Variants in KCND3 observed in about 807,000 individuals in gnomAD.
KCND3 encodes the protein A-type voltage-gated potassium channel KCND3.
Under a neutral mutation model 51.1 loss-of-function variants are expected in KCND3, and 9 were observed. The observed-to-expected ratio is 0.18, with a 90% CI of 0.11 to 0.31. The LOEUF is 0.31. Ranked by LOEUF, KCND3 falls within the 10% of genes least tolerant of loss-of-function variation. KCND3 has a pLI of 1.00. For synonymous variants in KCND3, 349 were observed against 368.0 expected (o/e 0.95, Z 0.59); for missense variants, 526 against 903.8 (o/e 0.58, Z 5.36).
chr1:111,893,762 AG>A (rs1205967371), intron 2 of KCND3, among the ~76,000 whole-genome samples: 2 of 152,162 alleles, frequency 1.3e-5, no homozygotes, highest in East Asian at 3.9e-4. Context: ...ATGGCCTTGA[AG>A]GTAAAGCCAG....
chr1:111,845,237 T>C (rs984631772), intron 2 of KCND3, among the ~76,000 whole-genome samples: 1 of 152,318 alleles, frequency 6.6e-6, no homozygotes, highest in East Asian at 1.9e-4. Flanking sequence ...TCAATTCTCC[T>C]GGCTTCTGGG....
At chr1:111,877,943 CA>C (rs1669124751) in intron 2 of KCND3, among the ~76,000 whole-genome samples, 2 of 152,186 alleles carry the variant, frequency 1.3e-5, no homozygotes, top group Non-Finnish European at 1.5e-5. Context: ...CTACTATGTG[CA>C]ATTCATATAT....
At chr1:111,833,749 C>A (rs1666952604) in intron 2 of KCND3, among the ~76,000 whole-genome samples, 1 of 152,156 alleles carries the variant, frequency 6.6e-6, no homozygotes, top group African/African-American at 2.4e-5. Context: ...GGGGTATCTC[C>A]TCACATAGAT....
rs1664321708 is a variant in KCND3, at chr1:111,780,347, G to C, written c.1372-33C>G. On this transcript the variant is annotated intron_variant, in intron 4 of 7. Coordinates refer to ENST00000302127, the MANE Select transcript of KCND3 (RefSeq NM_001378969.1). This position sits in a 1 kb window ranked among gnomAD's most constrained non-coding sequence, Gnocchi z 4.2. ...AAAAAGAAGAGAGATTGAGTAAAAA[G>C]CTGGTGGCTCTTCCCCTCTCCAGCT... 6.5e-7 allele frequency: 1 copy of C among 1,536,772 alleles called. No homozygotes were observed. The highest frequency in any genetic ancestry group is 1.2e-5 in the South Asian group (1 of 83,790).
chr1:111,834,916 T>G (rs1396493530), intron 2 of KCND3, among the ~76,000 whole-genome samples: 2 of 152,192 alleles, frequency 1.3e-5, no homozygotes, highest in Admixed American at 6.5e-5. Context: ...CTTCTTAAAA[T>G]GTGGGCCCTG....
At chr1:111,880,941 G>A (rs1446605994) in intron 2 of KCND3, among the ~76,000 whole-genome samples, 1 of 151,976 alleles carries the variant, frequency 6.6e-6, no homozygotes, top group African/African-American at 2.4e-5. Context: ...GCTAGCCTCG[G>A]TCTGCCTTGG....
At chr1:111,820,976 CACCTTA>C (rs1666322947) in intron 2 of KCND3, among the ~76,000 whole-genome samples, 1 of 152,362 alleles carries the variant, frequency 6.6e-6, no homozygotes, top group East Asian at 1.9e-4. Context: ...ACCCTGCCTA[CACCTTA>C]ACCTTGGACT....
intron 2 of KCND3, among the ~76,000 whole-genome samples, chr1:111,831,651 C>T (rs781759464): frequency 1.3e-5 from 2 of 152,178 alleles, no homozygotes; most frequent in Admixed American, 6.5e-5. Context: ...CAGGTCTCAC[C>T]TACTCCAGGA....
At chr1:111,893,106 A>G (rs1332964151) in intron 2 of KCND3, among the ~76,000 whole-genome samples, 1 of 152,228 alleles carries the variant, frequency 6.6e-6, no homozygotes, top group Non-Finnish European at 1.5e-5. Context: ...ATGGTGACAG[A>G]AGACCATCCC....
intron 2 of KCND3, among the ~76,000 whole-genome samples, chr1:111,864,450 G>C (rs1185436382): frequency 6.6e-6 from 1 of 151,988 alleles, no homozygotes; most frequent in Non-Finnish European, 1.5e-5. Context: ...CTCTTTTTTT[G>C]TATTTCAGTA....
At chr1:111,832,638 T>C (rs1666887551) in intron 2 of KCND3, among the ~76,000 whole-genome samples, 2 of 152,120 alleles carry the variant, frequency 1.3e-5, no homozygotes, top group African/African-American at 4.8e-5. Context: ...AACTGCTCCA[T>C]CTGAAAACTC....
At chr1:111,787,277 C>A (rs1571636878) in intron 2 of KCND3, among the ~76,000 whole-genome samples, 171 bp from the exon 3 acceptor site, 1 of 152,308 alleles carries the variant, frequency 6.6e-6, no homozygotes, top group East Asian at 1.9e-4. Context: ...ACAAGAGAGA[C>A]AAGATCCTTA....
At chr1:111,972,068 G>A (rs908707724) in intron 2 of KCND3, among the ~76,000 whole-genome samples, 1 of 151,872 alleles carries the variant, frequency 6.6e-6, no homozygotes, top group African/African-American at 2.4e-5. Flanking sequence ...GTTCCCTAAT[G>A]CCTATCAAAT....
intron 2 of KCND3, among the ~76,000 whole-genome samples, chr1:111,956,386 A>G (rs924679024): frequency 6.6e-6 from 1 of 152,200 alleles, no homozygotes; most frequent in Non-Finnish European, 1.5e-5. Flanking sequence ...GCAGCAGCTG[A>G]TTAATTTCCA....
At position 111,989,653 on chromosome 1, in the gene KCND3, C is replaced by T; in HGVS notation, c.-221G>A. On this transcript the variant is annotated 5_prime_UTR_variant, in exon 1 of 8. Coordinates refer to ENST00000302127, the MANE Select transcript of KCND3 (RefSeq NM_001378969.1). ...CGCTCGCGCGGCTCCTCCTCGCCAG[C>T]GCAGTCTCGCTCGCTGCCTCCCTCG... 1 of 148,624 alleles carries T rather than the reference C, an allele frequency of 6.7e-6. No individual in the cohort carries two copies. The highest frequency in any genetic ancestry group is 1.5e-5 in the Non-Finnish European group (1 of 66,262). The allele number at this position is 148,624 out of a possible 1,614,324, so 9.2% of individuals were successfully genotyped here. A position where few individuals can be genotyped will look rare whatever the true frequency, so the allele number is the denominator to read the frequency against.
chr1:111,897,068 G>A (rs927897227), intron 2 of KCND3, among the ~76,000 whole-genome samples: 1 of 152,250 alleles, frequency 6.6e-6, no homozygotes, highest in African/African-American at 2.4e-5. Context: ...CTTAGCACAC[G>A]GGGCAGGCGA....
intron 2 of KCND3, among the ~76,000 whole-genome samples, chr1:111,867,754 T>C (rs1417186928): frequency 6.6e-6 from 1 of 152,100 alleles, no homozygotes. Flanking sequence ...TTGATAGAGG[T>C]GAAGAGTAGA....
At chr1:111,864,075 G>T (rs973540422) in intron 2 of KCND3, among the ~76,000 whole-genome samples, 1 of 151,866 alleles carries the variant, frequency 6.6e-6, no homozygotes, top group East Asian at 1.9e-4. Context: ...AGGAGCAGGG[G>T]TTTACATAAT....
chr1:111,779,579 G>T (rs1467941091), intron 5 of KCND3, among the ~76,000 whole-genome samples: 2 of 151,974 alleles, frequency 1.3e-5, no homozygotes, highest in African/African-American at 2.4e-5. Context: ...CTTCCTTTCA[G>T]TCTGATGGTT....
Sources: gnomAD v4.1 joint callset for allele counts (sites outside exome capture counted in the v4.1 genomes callset) on GRCh38, gnomAD v4.1.1 for gene constraint, Gnocchi (gnomAD v3.1) non-coding constraint, MANE v1.5 for transcripts, NCBI Gene and HGNC (gene_info 2026-07-23, HGNC 2026-07-21) for gene names.